The following DGKB variants were observed in gnomAD, a reference collection of about 807,000 sequenced individuals.
DGKB encodes diacylglycerol kinase beta.
DGKB carries 67 observed loss-of-function variants against 114.3 expected under a neutral mutation model. That is an observed-to-expected ratio of 0.59 (90% CI 0.48 to 0.72). DGKB has a LOEUF of 0.72. Among genes scored for constraint, DGKB ranks in the 30% least tolerant of loss-of-function variants. The probability of loss-of-function intolerance (pLI) is 0.00; values close to 1 mark genes in which losing one functional copy is unlikely to be tolerated. For missense variants in DGKB, 907 were observed against 975.2 expected (o/e 0.93, Z 0.93); for synonymous variants, 398 against 323.1 (o/e 1.23, Z -2.49).
chr7:14,595,381 A>G (rs1429071086), intron 17 of DGKB, among the ~76,000 whole-genome samples: 2 of 152,144 alleles, frequency 1.3e-5, no homozygotes, highest in East Asian at 1.9e-4. Context: ...TAGTTTAGTA[A>G]TAGACATGTA....
intron 17 of DGKB, 30 bp downstream of exon 17, chr7:14,607,404 T>A (rs774544664): frequency 9.0e-7 from 1 of 1,111,784 alleles, no homozygotes; most frequent in Non-Finnish European, 1.4e-6. Context: ...TTAACTGAGT[T>A]AATGGTAATA....
At chr7:14,762,948 A>G (rs1835915025) in intron 2 of DGKB, among the ~76,000 whole-genome samples, 1 of 152,104 alleles carries the variant, frequency 6.6e-6, no homozygotes, top group Non-Finnish European at 1.5e-5. Flanking sequence ...GTGACTTTAA[A>G]CAAATCATCA....
At chr7:14,846,483 T>C (rs1417865711) in intron 1 of DGKB, among the ~76,000 whole-genome samples, 2 of 152,222 alleles carry the variant, frequency 1.3e-5, no homozygotes, top group Non-Finnish European at 2.9e-5. Flanking sequence ...GAGGCACAGC[T>C]ATATCTCATG....
chr7:14,458,790 A>G (rs975310352), intron 21 of DGKB, among the ~76,000 whole-genome samples: 1 of 152,178 alleles, frequency 6.6e-6, no homozygotes, highest in Non-Finnish European at 1.5e-5. Flanking sequence ...TTGGGCAGAC[A>G]ACGAGCTAGC....
intron 23 of DGKB, among the ~76,000 whole-genome samples, chr7:14,197,615 C>A (rs10260511): frequency 0.23 from 35,045 of 151,932 alleles, 4,616 homozygotes; most frequent in East Asian, 0.46. Context: ...AAAGGAAAAT[C>A]GAATTTTAAT....
intron 21 of DGKB, among the ~76,000 whole-genome samples, chr7:14,434,273 G>A (rs1173072205): frequency 4.6e-5 from 7 of 152,186 alleles, no homozygotes; most frequent in Non-Finnish European, 7.4e-5. Flanking sequence ...CTATGTCCAC[G>A]TCTCAATCTC....
chr7:14,647,183 A>G (rs368921426), intron 13 of DGKB, among the ~76,000 whole-genome samples: 3 of 152,272 alleles, frequency 2.0e-5, no homozygotes, highest in East Asian at 3.9e-4. Context: ...ATGAACAACT[A>G]TACACTACCA....
intron 13 of DGKB, among the ~76,000 whole-genome samples, chr7:14,670,156 A>G (rs1818710097): frequency 6.6e-6 from 1 of 152,058 alleles, no homozygotes; most frequent in South Asian, 2.1e-4. Flanking sequence ...TAATTATTAT[A>G]GTTAAGCAAA....
At chr7:14,315,108 G>A (rs1379612966) in intron 23 of DGKB, among the ~76,000 whole-genome samples, 3 of 147,846 alleles carry the variant, frequency 2.0e-5, no homozygotes, top group Non-Finnish European at 4.5e-5. Flanking sequence ...CACCAGGCCT[G>A]CCCTAAAAGA....
chr7:14,962,650 G>A (rs1029095640), intron 1 of DGKB, among the ~76,000 whole-genome samples: 19 of 151,654 alleles, frequency 1.3e-4, no homozygotes, highest in Admixed American at 2.0e-4. Context: ...GTGTGTGTGT[G>A]TGTGTGTGTG....
chr7:14,321,965 T>C (rs1446735868), intron 23 of DGKB, among the ~76,000 whole-genome samples: 1 of 152,238 alleles, frequency 6.6e-6, no homozygotes, highest in African/African-American at 2.4e-5. Context: ...CTGATCAATG[T>C]AATTTTATTC....
intron 13 of DGKB, among the ~76,000 whole-genome samples, chr7:14,632,087 G>C (rs958335383): frequency 4.6e-5 from 7 of 151,958 alleles, no homozygotes; most frequent in African/African-American, 1.7e-4. Flanking sequence ...CTGTCTAAAT[G>C]GTTCAGAATA....
At chr7:14,181,802 C>G (rs755776871) in intron 23 of DGKB, among the ~76,000 whole-genome samples, 19 of 152,132 alleles carry the variant, frequency 1.2e-4, no homozygotes, top group Admixed American at 1.1e-3. Flanking sequence ...TGAAGGAAAA[C>G]AAAGTACGTT....
At chr7:14,825,645 C>T (rs1356236291) in intron 2 of DGKB, among the ~76,000 whole-genome samples, 1 of 152,108 alleles carries the variant, frequency 6.6e-6, no homozygotes, top group Non-Finnish European at 1.5e-5. Flanking sequence ...GCTCACCTGC[C>T]TCTCAGCTTT....
At chr7:14,648,682 C>T (rs1027570940) in intron 13 of DGKB, among the ~76,000 whole-genome samples, 6 of 151,484 alleles carry the variant, frequency 4.0e-5, no homozygotes, top group Non-Finnish European at 7.4e-5. Flanking sequence ...AGGCTTCAGT[C>T]GATCAAATTA....
At chr7:14,606,886 T>C (rs1306447151) in intron 17 of DGKB, among the ~76,000 whole-genome samples, 1 of 147,106 alleles carries the variant, frequency 6.8e-6, no homozygotes, top group Non-Finnish European at 1.5e-5. Flanking sequence ...AATCGTATGA[T>C]TTTTTTCATT....
intron 18 of DGKB, among the ~76,000 whole-genome samples, chr7:14,582,808 T>G (rs1800150039): frequency 6.6e-6 from 1 of 152,182 alleles, no homozygotes. Flanking sequence ...AAAACAACTC[T>G]GAAAATTTGG....
intron 20 of DGKB, among the ~76,000 whole-genome samples, chr7:14,529,586 G>T (rs1398864145): frequency 1.3e-5 from 2 of 151,686 alleles, no homozygotes; most frequent in Non-Finnish European, 1.5e-5. Flanking sequence ...CATGAAAAAT[G>T]TATTGGAGCA....
At chr7:14,745,753 G>C (rs566887750) in intron 4 of DGKB, among the ~76,000 whole-genome samples, 2 of 151,658 alleles carry the variant, frequency 1.3e-5, no homozygotes, top group East Asian at 2.0e-4. Flanking sequence ...TCTTTTCTGA[G>C]CACTTTCCTT....
Sources: allele counts gnomAD v4.1 joint callset (sites outside exome capture counted in the v4.1 genomes callset), GRCh38; gene constraint gnomAD v4.1.1; transcripts MANE v1.5; gene names NCBI Gene and HGNC (gene_info 2026-07-23, HGNC 2026-07-21).